LRBA: variants seen among roughly 807,000 people sequenced by gnomAD.
The protein encoded by LRBA is lipopolysaccharide-responsive and beige-like anchor protein.
Under a neutral mutation model 330.0 loss-of-function variants are expected in LRBA, and 176 were observed. The ratio of observed to expected loss-of-function variants is 0.53; its 90% CI spans 0.47 to 0.60. The LOEUF (loss-of-function observed/expected upper bound fraction) is 0.60. LRBA is among the 20% of genes least tolerant of loss of function. LRBA has a pLI of 0.00. For missense variants in LRBA, 3,259 were observed against 3,444.8 expected, an observed-to-expected ratio of 0.95 and a Z score of 1.35; for synonymous variants, 1,230 against 1,193.0, an observed-to-expected ratio of 1.03 and a Z score of -0.64.
At chr4:150,676,655 CTGTT>C (rs1226420117) in intron 37 of LRBA, among the ~76,000 whole-genome samples, 1 of 151,874 alleles carries the variant, frequency 6.6e-6, no homozygotes, top group Non-Finnish European at 1.5e-5. Flanking sequence ...TTTTTTAAGA[CTGTT>C]TGGTTTCACT....
intron 17 of LRBA, among the ~76,000 whole-genome samples, chr4:150,879,908 G>A (rs1728174404): frequency 6.6e-6 from 1 of 151,936 alleles, no homozygotes; most frequent in African/African-American, 2.4e-5. Flanking sequence ...AAATACATAC[G>A]GAACCAAAAC....
chr4:150,806,883 C>A (rs1742880036), intron 32 of LRBA, among the ~76,000 whole-genome samples: 2 of 151,856 alleles, frequency 1.3e-5, no homozygotes. Flanking sequence ...TTATTGAAGT[C>A]AATTATTCCT....
chr4:150,799,843 C>T (rs1262467704), intron 33 of LRBA, among the ~76,000 whole-genome samples: 1 of 152,206 alleles, frequency 6.6e-6, no homozygotes, highest in African/African-American at 2.4e-5. Context: ...CTCCCAGGTT[C>T]AATCAATTCT....
chr4:150,303,853 G>A (rs1186491263), intron 52 of LRBA, among the ~76,000 whole-genome samples: 7 of 152,270 alleles, frequency 4.6e-5, no homozygotes, highest in Middle Eastern at 3.4e-3. Flanking sequence ...GATTACAGGC[G>A]TGAGCCACCG....
intron 54 of LRBA, among the ~76,000 whole-genome samples, chr4:150,285,069 T>G (rs995456383): frequency 6.6e-6 from 1 of 152,204 alleles, no homozygotes; most frequent in Non-Finnish European, 1.5e-5. Context: ...TATTACTATT[T>G]CAATGTTTTG....
intron 30 of LRBA, among the ~76,000 whole-genome samples, chr4:150,822,569 C>T (rs1202384403): frequency 6.6e-6 from 1 of 152,074 alleles, no homozygotes; most frequent in South Asian, 2.1e-4. Flanking sequence ...GAGTTCAGCA[C>T]CAGCCTGGGC....
intron 37 of LRBA, among the ~76,000 whole-genome samples, chr4:150,648,063 AG>A (rs1373344765): frequency 6.6e-6 from 1 of 150,508 alleles, no homozygotes; most frequent in East Asian, 2.0e-4. Context: ...GAGAAGTAAT[AG>A]AAAATAAAGA....
rs532714354 is a variant in LRBA, at chr4:150,264,799, T to TAATC, written c.*919_*922dup. 231 of 152,800 alleles carry TAATC rather than the reference T, an allele frequency of 1.5e-3. No homozygotes were observed. The highest frequency in any genetic ancestry group is 5.4e-3 in the African/African-American group (223 of 41,576). 9.5% of individuals were successfully genotyped at this position (152,800 alleles called of 1,614,324 possible). A position where few individuals can be genotyped will look rare whatever the true frequency, so the allele number is the denominator to read the frequency against. On this transcript the variant is annotated 3_prime_UTR_variant, in exon 57 of 57. Transcript: ENST00000651943. The stretch of plus-strand genomic sequence containing the variant: ...TGTTTCGTTTCTTAGTACAAATTGC[T>TAATC]AATCAAAAGGAAGGTGGAGATGATA...
chr4:151,004,306 G>A (rs1198285628), intron 2 of LRBA, among the ~76,000 whole-genome samples: 1 of 151,954 alleles, frequency 6.6e-6, no homozygotes, highest in African/African-American at 2.4e-5. Flanking sequence ...TTATACTTTG[G>A]GGCCACTATT....
intron 40 of LRBA, among the ~76,000 whole-genome samples, chr4:150,570,420 C>G (rs921056707): frequency 6.6e-6 from 1 of 152,046 alleles, no homozygotes; most frequent in African/African-American, 2.4e-5. Flanking sequence ...GCAATGACAT[C>G]TGTGTTCTCA....
intron 42 of LRBA, among the ~76,000 whole-genome samples, chr4:150,475,049 T>G (rs1756560640): frequency 6.6e-6 from 1 of 152,182 alleles, no homozygotes; most frequent in African/African-American, 2.4e-5. Context: ...AGTAAGCTTT[T>G]TCTCCTTTAT....
rs994420714 is a variant in LRBA at position 150,630,035 on chromosome 4, C to T, written c.5922-30904G>A. ...GCTCCCTTCTGTTGTAATTCCACCC[C>T]CATCATGTTGACACAGTTATCCACA... On this transcript the variant is annotated intron_variant, in intron 37 of 56. Transcript: ENST00000651943. Among the ~76,000 whole-genome samples, 4 of 152,140 alleles carry T rather than the reference C, an allele frequency of 2.6e-5. No individual in the cohort carries two copies. In the South Asian group the frequency reaches 6.2e-4, roughly 24 times the overall value.
chr4:150,988,268 T>C (rs1165485377), intron 2 of LRBA, among the ~76,000 whole-genome samples: 3 of 152,200 alleles, frequency 2.0e-5, no homozygotes, highest in Non-Finnish European at 4.4e-5. Context: ...ATCCCATTAT[T>C]GAGCATGGTA....
At chr4:150,567,047 C>A (rs1561363216) in intron 40 of LRBA, among the ~76,000 whole-genome samples, 2 of 152,072 alleles carry the variant, frequency 1.3e-5, no homozygotes, top group Non-Finnish European at 2.9e-5. Context: ...AACTACCAAT[C>A]ACTTTAAAAC....
chr4:150,948,605 T>C (rs537241483), intron 2 of LRBA, among the ~76,000 whole-genome samples: 34 of 152,128 alleles, frequency 2.2e-4, no homozygotes, highest in Admixed American at 5.2e-4. Flanking sequence ...ACTGATAAAT[T>C]AGGCTTTATT....
chr4:150,634,901 C>T (rs1397253531), intron 37 of LRBA, among the ~76,000 whole-genome samples: 4 of 152,042 alleles, frequency 2.6e-5, no homozygotes, highest in Non-Finnish European at 4.4e-5. Flanking sequence ...GCACCACTGC[C>T]CCCTAGACCC....
At position 150,852,107 on chromosome 4, in the gene LRBA, T is replaced by C; in HGVS notation, c.3603A>G (p.Val1201=). ...CCAGCATCTGACCAAGGTCTGATTC[T>C]ACAGCTATTTGGGAAACAGTAGTTT... ...SPETTVSQIA[V]ESDLGQMLEE... Residue 1201 remains valine, a synonymous_variant, in exon 23 of 57, where the codon GTA becomes GTG. Transcript: ENST00000651943. 3.1e-6 allele frequency: 5 copies of C among 1,614,154 alleles called. No homozygotes were observed. Among genetic ancestry groups the C allele is most frequent in the Non-Finnish European group, 3.4e-6 (4 of 1,179,978 alleles).
At chr4:150,562,871 C>T (rs1768557304) in intron 40 of LRBA, among the ~76,000 whole-genome samples, 1 of 151,966 alleles carries the variant, frequency 6.6e-6, no homozygotes, top group Non-Finnish European at 1.5e-5. Flanking sequence ...ATGATCATAG[C>T]TCACTGCAGC....
In LRBA at chr4:150,789,365, C is replaced by G. The variant is rs185054204; in HGVS notation, c.5580+8716G>C. 3.3e-5 allele frequency among the ~76,000 whole-genome samples: 5 copies of G among 152,230 alleles called. No individual in the cohort carries two copies. The East Asian group carries it at 7.7e-4, about 23-fold the overall frequency. The stretch of plus-strand genomic sequence containing the variant: ...TCTGAATTTTCATATTATAAAATAA[C>G]AGCTTGAATAAAAATAGGTGCCTGA... On this transcript the variant is annotated intron_variant, in intron 34 of 56. Transcript: ENST00000651943.
Sources: gnomAD v4.1 joint callset for allele counts (sites outside exome capture counted in the v4.1 genomes callset) on GRCh38, gnomAD v4.1.1 for gene constraint, MANE v1.5 for transcripts, NCBI Gene and HGNC (gene_info 2026-07-23, HGNC 2026-07-21) for gene names.